The following PCNT variants were observed in gnomAD, a reference collection of about 807,000 sequenced individuals.
PCNT encodes kendrin.
PCNT carries 319 observed loss-of-function variants against 380.4 expected under a neutral mutation model. The ratio of observed to expected loss-of-function variants is 0.84; its 90% confidence interval spans 0.77 to 0.92. PCNT has a LOEUF of 0.92. Ranked by LOEUF, PCNT falls within the 40% of genes least tolerant of loss-of-function variation. The pLI is 0.00. For synonymous variants in PCNT, 1,845 were observed against 1,735.2 expected, an observed-to-expected ratio of 1.06 and a Z score of -1.57; for missense variants, 4,400 against 4,255.3, an observed-to-expected ratio of 1.03 and a Z score of -0.95.
chr21:46,345,703 C>G (rs1229605942), intron 3 of PCNT, among the ~76,000 whole-genome samples: 1 of 152,220 alleles, frequency 6.6e-6, no homozygotes, highest in African/African-American at 2.4e-5. Context: ...TCATCATCAC[C>G]CCAGAAGGAA....
In PCNT at chr21:46,400,404, G is replaced by C. The variant is rs763748195; in HGVS notation, c.4791+608G>C. ...AAGGAATTCAGCTGACTTCTATGAG[G>C]TTAAAAGGTTACTTGAAAAGAGGCT... On this transcript the variant is annotated intron_variant, in intron 25 of 46. Transcript: ENST00000359568. 8.5e-5 allele frequency among the ~76,000 whole-genome samples: 13 copies of C among 152,134 alleles called. No individual in the cohort carries two copies. In the South Asian group the frequency reaches 1.2e-3, roughly 15 times the overall value.
rs2085951411 is a variant in PCNT, at chr21:46,389,276, T to C, written c.3685T>C (p.Ser1229Pro). The change falls in exon 19 of 47, where the codon TCT becomes CCT. Residue 1229 changes from serine (S) to proline (P), a missense_variant. Ser to Pro is a moderately conservative substitution (Grantham distance 74). Coordinates refer to ENST00000359568, the MANE Select transcript of PCNT (RefSeq NM_006031.6). ...AACTTTGTCTGAATGTGCAGAGATG[T>C]CTTCCGTGGCTGAAATTAGCAGCCA... ...DRTLSECAEMSSVAEISSHMR... is the reference protein window; with the variant it reads ...DRTLSECAEMPSVAEISSHMR... 6.2e-7 allele frequency: 1 copy of C among 1,614,106 alleles called. No homozygotes were observed. The highest frequency in any genetic ancestry group is 1.3e-5 in the African/African-American group (1 of 74,934).
chr21:46,406,151 T>C (rs1339998036), intron 27 of PCNT, among the ~76,000 whole-genome samples: 1 of 152,180 alleles, frequency 6.6e-6, no homozygotes, highest in African/African-American at 2.4e-5. Flanking sequence ...GAAACGGAGC[T>C]CCCGTCTCCC....
At chr21:46,385,683 C>A in intron 16 of PCNT, 149 bp from the exon 17 acceptor site, 1 of 850,814 alleles carries the variant, frequency 1.2e-6, no homozygotes, top group Non-Finnish European at 2.0e-6. Context: ...AGGAACGTGC[C>A]GAAGTGCCTG....
intron 31 of PCNT, among the ~76,000 whole-genome samples, chr21:46,419,269 T>C (rs1451925736): frequency 1.3e-5 from 2 of 152,142 alleles, no homozygotes; most frequent in African/African-American, 4.8e-5. Context: ...ATTTGATGAA[T>C]AGTGAGCACG....
intron 46 of PCNT, among the ~76,000 whole-genome samples, 180 bp from the exon 47 acceptor site, chr21:46,445,104 C>T (rs1442652347): frequency 6.6e-6 from 1 of 152,124 alleles, no homozygotes; most frequent in Non-Finnish European, 1.5e-5. Context: ...GATTATATTT[C>T]GACCAGGATA....
Position 46,402,354 on chromosome 21 carries a change from A to G in PCNT, c.4986A>G (p.Leu1662=). 1.9e-6 allele frequency: 3 copies of G among 1,609,060 alleles called. No individual in the cohort carries two copies. Among genetic ancestry groups the G allele is most frequent in the Non-Finnish European group, 2.6e-6 (3 of 1,175,366 alleles). The change falls in exon 27 of 47, where the codon CTA becomes CTG. Residue 1662 remains leucine, a synonymous_variant. Transcript: ENST00000359568. ...AGGTTTTGGACTTAAAAGAACAGCT[A>G]GAAAAGATGAAAGGTGACTTAGAAA... is the stretch of plus-strand genomic sequence containing the variant. ...ESEVLDLKEQ[L]EKMKGDLESK...
chr21:46,325,246 GGT>G lies in PCNT; in HGVS notation c.54+966_54+967del, dbSNP rs1255041170. 4.6e-5 allele frequency: 45 copies of G among 972,644 alleles called. No homozygotes were observed. In the South Asian group the frequency reaches 7.1e-4, roughly 15 times the overall value. The allele number at this position is 972,644 out of a possible 1,614,324, so 60.3% of individuals were successfully genotyped here. A position where few individuals can be genotyped will look rare whatever the true frequency, so the allele number is the denominator to read the frequency against. Reference sequence around the variant, plus strand: ...CTCCCCCCCAGGATGTTCTGGCTGGGGTGCTGGGGAAGAGCGGGGCTCCCGGG... The same window carrying G: ...CTCCCCCCCAGGATGTTCTGGCTGGGGCTGGGGAAGAGCGGGGCTCCCGGG... On this transcript the variant is annotated intron_variant, in intron 1 of 46. Coordinates refer to ENST00000359568, the MANE Select transcript of PCNT (RefSeq NM_006031.6).
intron 31 of PCNT, 60 bp from the exon 32 acceptor site, chr21:46,421,910 G>T: frequency 6.3e-7 from 1 of 1,589,010 alleles, no homozygotes; most frequent in Non-Finnish European, 8.6e-7. Context: ...TCTGCAGTGC[G>T]TCCCCTGGGG....
intron 1 of PCNT, among the ~76,000 whole-genome samples, 195 bp from the exon 2 acceptor site, chr21:46,326,179 GTCC>G (rs2083389231): frequency 6.6e-6 from 1 of 152,238 alleles, no homozygotes. Context: ...ATAATTAGCA[GTCC>G]TCATTGTTAG....
At chr21:46,326,919 A>C (rs1445465899) in intron 2 of PCNT, among the ~76,000 whole-genome samples, 1 of 151,608 alleles carries the variant, frequency 6.6e-6, no homozygotes, top group Non-Finnish European at 1.5e-5. Context: ...AGGTTGAGGG[A>C]GGAGAATAGC....
chr21:46,365,368 ATCACTGCCGTGGGGTTCTGT>A (rs2084870170), intron 14 of PCNT, among the ~76,000 whole-genome samples: 11 of 22,128 alleles, frequency 5.0e-4, no homozygotes, highest in East Asian at 4.4e-3. Flanking sequence ...TGGGGTTCTG[ATCACTGCCGTGGGGTTCTGT>A]TCACTGCCGT....
intron 35 of PCNT, among the ~76,000 whole-genome samples, chr21:46,429,500 C>T (rs1266593161): frequency 2.0e-5 from 3 of 151,360 alleles, no homozygotes; most frequent in African/African-American, 4.9e-5. Flanking sequence ...GGTGGTGGGC[C>T]GGTGCTGTCT....
rs1379638059 is a variant in PCNT, at chr21:46,399,602, C to T, written c.4597C>T (p.Gln1533Ter). Residue 1533 changes from glutamine (Q) to a stop codon, truncating the protein, a stop_gained, in exon 25 of 47, where the codon CAA (glutamine) becomes TAA (stop). Transcript: ENST00000359568. LOFTEE classifies it high-confidence loss of function. ...TTTGTTGTTTTAGGTTGAGTTGTTACAACAAAAGTTGAGAGAAAAGTTGGA... is the reference window on the plus strand; with the variant it reads ...TTTGTTGTTTTAGGTTGAGTTGTTATAACAAAAGTTGAGAGAAAAGTTGGA... The part of the protein sequence containing the change: ...APLDGEVELL[Q>*]QKLREKLDEF... 1 of 1,612,132 alleles carries T rather than the reference C, an allele frequency of 6.2e-7. No individual in the cohort carries two copies. The highest frequency in any genetic ancestry group is 8.5e-7 in the Non-Finnish European group (1 of 1,178,256).
intron 7 of PCNT, 149 bp from the exon 8 acceptor site, chr21:46,349,535 C>T (rs1421437838): frequency 2.4e-6 from 2 of 816,690 alleles, no homozygotes; most frequent in African/African-American, 1.7e-5. Context: ...CTGGTGCTAT[C>T]AGGCATGTGA....
intron 38 of PCNT, 29 bp from the exon 39 acceptor site, chr21:46,435,875 C>T: frequency 6.2e-7 from 1 of 1,613,828 alleles, no homozygotes. Flanking sequence ...ACGTGAACGT[C>T]TTCTCTGTCT....
chr21:46,435,959 A>G lies in PCNT; in HGVS notation c.8807A>G (p.Gln2936Arg). 6.2e-7 allele frequency: 1 copy of G among 1,614,202 alleles called. No individual in the cohort carries two copies. Among genetic ancestry groups the G allele is most frequent in the Non-Finnish European group, 8.5e-7 (1 of 1,180,002 alleles). ...TTGCATAAGATCAAGCAGCTTCAGC[A>G]GACAGTGAGAGACCTGGAGTCGAAG... Reference protein sequence around the residue: ...RDLHKIKQLQQTVRDLESKDE... With the variant: ...RDLHKIKQLQRTVRDLESKDE... The change falls in exon 39 of 47, where the codon CAG (glutamine) becomes CGG (arginine). Residue 2936 changes from glutamine to arginine, a missense_variant. Transcript: ENST00000359568.
Position 46,440,136 on chromosome 21 carries a change from G to C in PCNT, c.9327G>C (p.Leu3109=). 1 of 1,614,140 alleles carries C rather than the reference G, an allele frequency of 6.2e-7. No homozygotes were observed. Among genetic ancestry groups the C allele is most frequent in the Non-Finnish European group, 8.5e-7 (1 of 1,180,020 alleles). The change falls in exon 42 of 47, where the codon CTG becomes CTC. Residue 3109 remains leucine, a synonymous_variant. Coordinates refer to ENST00000359568, the MANE Select transcript of PCNT (RefSeq NM_006031.6). ...KPDETAPQSS[L]RRPDPGRLPP... Reference sequence around the variant, plus strand: ...ACGAAACGGCTCCACAGAGTTCCCTGAGGCGCCCAGACCCCGGCCGGCTTC... The same window carrying C: ...ACGAAACGGCTCCACAGAGTTCCCTCAGGCGCCCAGACCCCGGCCGGCTTC...
At chr21:46,341,338 G>T (rs893904529) in intron 3 of PCNT, among the ~76,000 whole-genome samples, 15 of 151,898 alleles carry the variant, frequency 9.9e-5, no homozygotes, top group African/African-American at 3.6e-4. Flanking sequence ...GTAGCACATT[G>T]TCTGGTCTTT....
Sources: gnomAD v4.1 joint callset for allele counts (sites outside exome capture counted in the v4.1 genomes callset) on GRCh38, gnomAD v4.1.1 for gene constraint, MANE v1.5 for transcripts, NCBI Gene and HGNC (gene_info 2026-07-23, HGNC 2026-07-21) for gene names.